SMARCA1: variants seen among roughly 807,000 people sequenced by gnomAD.
SMARCA1 encodes the protein SNF2 related chromatin remodeling ATPase 1.
In SMARCA1, 17 loss-of-function variants were observed where a neutral mutation model predicts 93.6. The observed-to-expected ratio is 0.18, with a 90% CI of 0.12 to 0.27. The LOEUF is 0.27. Ranked by LOEUF, SMARCA1 falls within the 10% of genes least tolerant of loss-of-function variation. SMARCA1 has a pLI of 1.00. For missense variants in SMARCA1, 630 were observed against 819.0 expected, an observed-to-expected ratio of 0.77 and a Z score of 2.82; for synonymous variants, 271 against 271.4, an observed-to-expected ratio of 1.00 and a Z score of 0.01.
intron 19 of SMARCA1, among the ~76,000 whole-genome samples, chrX:129,472,968 T>C (rs757993842): frequency 1.8e-5 from 2 of 111,770 alleles, no homozygotes; most frequent in African/African-American, 6.5e-5. Flanking sequence ...TGTGGAATTA[T>C]GAGCTGTACC....
intron 12 of SMARCA1, among the ~76,000 whole-genome samples, chrX:129,493,461 T>A (rs752891965): frequency 8.0e-4 from 89 of 111,446 alleles, no homozygotes; most frequent in Non-Finnish European, 1.3e-3. Context: ...CAATCTTTTT[T>A]AAAATAAATG....
chrX:129,456,566 C>T (rs185402873), intron 23 of SMARCA1, among the ~76,000 whole-genome samples: 1 of 112,370 alleles, frequency 8.9e-6, no homozygotes, highest in African/African-American at 3.2e-5. Flanking sequence ...GTTCTAGATG[C>T]CATTAAGAAC....
chrX:129,478,485 T>C (rs929040905), intron 19 of SMARCA1, among the ~76,000 whole-genome samples: 1 of 111,520 alleles, frequency 9.0e-6, no homozygotes, highest in African/African-American at 3.3e-5. Context: ...CTTTCCTCTA[T>C]TCTTATACCT....
At chrX:129,448,590 ATT>A in intron 23 of SMARCA1, 147 bp from the exon 24 acceptor site, 1 of 506,890 alleles carries the variant, frequency 2.0e-6, no homozygotes, top group South Asian at 3.3e-5. Flanking sequence ...GTATTAATAG[ATT>A]CCACCAGAAT....
At chrX:129,479,294 T>C (rs1933535481) in intron 19 of SMARCA1, among the ~76,000 whole-genome samples, 1 of 111,482 alleles carries the variant, frequency 9.0e-6, no homozygotes, top group East Asian at 2.8e-4. Flanking sequence ...ACAAGATAAC[T>C]ACTTCATTAT....
At chrX:129,473,817 G>C (rs1933251404) in intron 19 of SMARCA1, among the ~76,000 whole-genome samples, 2 of 112,039 alleles carry the variant, frequency 1.8e-5, no homozygotes, top group South Asian at 7.4e-4. Flanking sequence ...ATGGTCACTG[G>C]GAAAAGGCAC....
chrX:129,462,687 T>C (rs1012214035), intron 23 of SMARCA1, among the ~76,000 whole-genome samples: 1 of 111,618 alleles, frequency 9.0e-6, no homozygotes, highest in African/African-American at 3.2e-5. Flanking sequence ...TTTCTGAAGA[T>C]TGTTCAGAAA....
intron 19 of SMARCA1, among the ~76,000 whole-genome samples, chrX:129,475,683 A>G (rs1933349439): frequency 8.9e-6 from 1 of 112,514 alleles, no homozygotes; most frequent in Non-Finnish European, 1.9e-5. Context: ...TATTATTTGG[A>G]TTTCTACTCA....
At position 129,481,145 on chromosome X, in the gene SMARCA1, C is replaced by T. The variant is rs777452277; in HGVS notation, c.2258G>A (p.Arg753His). The T allele has an allele frequency of 6.6e-6, 8 of 1,204,620 alleles. No individual in the cohort carries two copies. In the African/African-American group the frequency reaches 7.0e-5, roughly 11 times the overall value. The change falls in exon 18 of 25, where the codon CGC becomes CAC. Residue 753 changes from arginine to histidine, a missense_variant. Arg to His is a conservative substitution (Grantham distance 29). Transcript: ENST00000371121. ...GGCATCCACTGCGTAGTTTGCTTTG[C>T]GTTCTCGTTTAGGAGGTTCAATCCA... ...VEWIEPPKRE[R>H]KANYAVDAYF...
chrX:129,479,264 G>T (rs765869018), intron 19 of SMARCA1, among the ~76,000 whole-genome samples: 14 of 111,461 alleles, frequency 1.3e-4, no homozygotes, highest in Admixed American at 3.8e-4. Flanking sequence ...TTAATGAGAT[G>T]ATATGTATTT....
intron 17 of SMARCA1, among the ~76,000 whole-genome samples, chrX:129,483,137 TATTC>T (rs1174995175): frequency 2.7e-5 from 3 of 112,556 alleles, no homozygotes; most frequent in Non-Finnish European, 5.6e-5. Context: ...ATAATTTAAC[TATTC>T]ATTAATTACC....
In SMARCA1 at chrX:129,506,406, G is replaced by A. The variant is rs974809375; in HGVS notation, c.967-195C>T. On this transcript the variant is annotated intron_variant, in intron 7 of 24. Coordinates refer to ENST00000371121, the MANE Select transcript of SMARCA1 (RefSeq NM_001282874.2). ...CATTTCTATACTTAAAAGAATGCAA[G>A]CCAGGCGCAGTGGCTCATGCCTGTA... Among the ~76,000 whole-genome samples the A allele has an allele frequency of 6.3e-5, 7 of 111,202 alleles. No individual in the cohort carries two copies. In the Admixed American group the frequency reaches 6.7e-4, roughly 11 times the overall value.
In SMARCA1 at chrX:129,465,231, TTGTC is replaced by T. The variant is rs748287001; in HGVS notation, c.3030+285_3030+288del. Among the ~76,000 whole-genome samples the T allele has an allele frequency of 4.1e-3, 453 of 111,809 alleles. 1 individual carries two copies. The highest frequency in any genetic ancestry group is 0.014 in the African/African-American group (429 of 30,778). ...AAGTATTTAGAGATGAACACTCACA[TTGTC>T]TGTAATTTTCAAATGGTTCATAAAT... On this transcript the variant is annotated intron_variant, in intron 23 of 24. Coordinates refer to ENST00000371121, the MANE Select transcript of SMARCA1 (RefSeq NM_001282874.2).
chrX:129,446,638 T>A lies in SMARCA1; in HGVS notation c.*524A>T. The A allele has an allele frequency of 8.9e-6, 1 of 112,458 alleles. No individual in the cohort carries two copies. Among genetic ancestry groups the A allele is most frequent in the East Asian group, 2.8e-4 (1 of 3,596 alleles). 9.3% of individuals were successfully genotyped at this position (112,458 alleles called of 1,213,427 possible). A position where few individuals can be genotyped will look rare whatever the true frequency, so the allele number is the denominator to read the frequency against. On this transcript the variant is annotated 3_prime_UTR_variant, in exon 25 of 25. Transcript: ENST00000371121. ...TTTTTCTTTCCTCACCCTTTATTCC[T>A]TTAGGAAAAAAATATTTAGATGACC...
rs1445127324 is a variant in SMARCA1 at position 129,446,649 on chromosome X, A to T, written c.*513T>A. On this transcript the variant is annotated 3_prime_UTR_variant, in exon 25 of 25. Coordinates refer to ENST00000371121, the MANE Select transcript of SMARCA1 (RefSeq NM_001282874.2). The stretch of plus-strand genomic sequence containing the variant: ...TCACCCTTTATTCCTTTAGGAAAAA[A>T]ATATTTAGATGACCTCAAAGAAACA... 1 of 112,361 alleles carries T rather than the reference A, an allele frequency of 8.9e-6. No homozygotes were observed. Among genetic ancestry groups the T allele is most frequent in the Non-Finnish European group, 1.9e-5 (1 of 53,231 alleles). 9.3% of individuals were successfully genotyped at this position (112,361 alleles called of 1,213,427 possible).
Position 129,471,242 on chromosome X carries a change from G to C in SMARCA1, c.2527C>G (p.Pro843Ala), listed in dbSNP as rs1407269659. 8 of 1,199,738 alleles carry C rather than the reference G, an allele frequency of 6.7e-6. No homozygotes were observed. In the East Asian group the frequency reaches 2.4e-4, roughly 36 times the overall value. Residue 843 changes from proline (P) to alanine (A), a missense_variant, in exon 20 of 25, where the codon CCA becomes GCA. Around this residue, in one of 4 missense-constraint regions of SMARCA1, gnomAD observed 52 missense variants for 38.3 expected, o/e 1.36. Coordinates refer to ENST00000371121, the MANE Select transcript of SMARCA1 (RefSeq NM_001282874.2). Reference sequence around the variant, plus strand: ...TTTTCCTTTTCTTCAGTCTCTTCTGGTGTAAGAGGTTCAGCTCCATCAATC... The same window carrying C: ...TTTTCCTTTTCTTCAGTCTCTTCTGCTGTAAGAGGTTCAGCTCCATCAATC... The part of the protein sequence containing the change: ...KKIDGAEPLT[P>A]EETEEKEKLL...
In SMARCA1 at chrX:129,506,098, A is replaced by T; in HGVS notation, c.1080T>A (p.Asp360Glu). The T allele has an allele frequency of 8.3e-7, 1 of 1,201,647 alleles. No homozygotes were observed. Among genetic ancestry groups the T allele is most frequent in the East Asian group, 3.0e-5 (1 of 33,814 alleles). Residue 360 changes from aspartate to glutamate, a missense_variant, in exon 8 of 25, where the codon GAT (aspartate) becomes GAA (glutamate). Transcript: ENST00000371121. ...AACTTACATCTGCAGAATTAAAGAC[A>T]TCAGGCAATAAAAAGTTGAGTAAGG... ...LWALLNFLLP[D>E]VFNSADDFDS...
chrX:129,462,063 C>T (rs771403787), intron 23 of SMARCA1, among the ~76,000 whole-genome samples: 2 of 111,993 alleles, frequency 1.8e-5, no homozygotes, highest in Admixed American at 1.9e-4. Flanking sequence ...GAATTCAGTA[C>T]TTTGAGATCT....
At chrX:129,516,547 A>G (rs1935208715) in intron 2 of SMARCA1, 50 bp from the exon 3 acceptor site, 3 of 1,019,502 alleles carry the variant, frequency 2.9e-6, no homozygotes, top group African/African-American at 3.8e-5. Flanking sequence ...TCATTCCTTC[A>G]AAGTTATTTA....
Sources: gnomAD v4.1 joint callset for allele counts (sites outside exome capture counted in the v4.1 genomes callset) on GRCh38, gnomAD v4.1.1 for gene constraint, gnomAD v4.1.1 regional missense constraint, MANE v1.5 for transcripts, NCBI Gene and HGNC (gene_info 2026-07-23, HGNC 2026-07-21) for gene names.